Variants in ARHGAP15 observed in about 807,000 individuals in gnomAD.
ARHGAP15 encodes Rho GTPase activating protein 15.
A neutral mutation model predicts 63.7 loss-of-function variants in ARHGAP15; 51 were observed. The observed-to-expected ratio is 0.80, with a 90% CI of 0.64 to 1.01. The LOEUF is 1.01. Ranked by LOEUF, ARHGAP15 falls within the 50% of genes least tolerant of loss-of-function variation. The probability of loss-of-function intolerance (pLI) is 0.00; values close to 1 mark genes in which losing one functional copy is unlikely to be tolerated. For synonymous variants in ARHGAP15, 191 were observed against 193.8 expected, an observed-to-expected ratio of 0.99 and a Z score of 0.12; for missense variants, 560 against 564.6, an observed-to-expected ratio of 0.99 and a Z score of 0.08.
chr2:143,178,798 A>G (rs1042036848), intron 2 of ARHGAP15, among the ~76,000 whole-genome samples: 2 of 152,196 alleles, frequency 1.3e-5, no homozygotes, highest in Non-Finnish European at 2.9e-5. Flanking sequence ...GCTACTGAGC[A>G]TACATAGTAC....
intron 11 of ARHGAP15, among the ~76,000 whole-genome samples, chr2:143,602,178 T>C (rs1674783641): frequency 6.6e-6 from 1 of 152,186 alleles, no homozygotes; most frequent in South Asian, 2.1e-4. Context: ...CTAATGGTTG[T>C]CATGTACACG....
intron 6 of ARHGAP15, among the ~76,000 whole-genome samples, chr2:143,409,340 T>A (rs945241548): frequency 1.3e-5 from 2 of 151,998 alleles, no homozygotes; most frequent in African/African-American, 4.8e-5. Flanking sequence ...AATCTTTTTT[T>A]TTTAACCAAA....
intron 6 of ARHGAP15, among the ~76,000 whole-genome samples, chr2:143,434,172 T>G (rs1472426697): frequency 6.6e-6 from 1 of 152,146 alleles, no homozygotes; most frequent in South Asian, 2.1e-4. Flanking sequence ...CTCAGTAATC[T>G]GTCAAATTCT....
intron 8 of ARHGAP15, among the ~76,000 whole-genome samples, chr2:143,468,661 A>AGTGTGTGTGTGTGT (rs72252562): frequency 7.5e-6 from 1 of 133,744 alleles, no homozygotes. Context: ...AGAGAGAGAG[A>AGTGTGTGTGTGTGT]GAGTGTGTGT....
At chr2:143,673,773 T>TAC (rs1283790329) in intron 12 of ARHGAP15, among the ~76,000 whole-genome samples, 9 of 102,280 alleles carry the variant, frequency 8.8e-5, no homozygotes, top group African/African-American at 3.2e-4. Flanking sequence ...TATATATATA[T>TAC]ATATATATAT....
intron 11 of ARHGAP15, among the ~76,000 whole-genome samples, chr2:143,617,862 C>A (rs1698506181): frequency 6.6e-6 from 1 of 152,230 alleles, no homozygotes; most frequent in Admixed American, 6.5e-5. Context: ...CTTTGAGGAA[C>A]ATAAAGCAGC....
At chr2:143,193,528 A>C (rs1432008161) in intron 2 of ARHGAP15, 1 of 152,674 alleles carries the variant, frequency 6.5e-6, no homozygotes. Context: ...ATCTCAAAGA[A>C]TAAGTGAAGA....
intron 6 of ARHGAP15, among the ~76,000 whole-genome samples, chr2:143,269,647 G>A (rs16858955): frequency 0.042 from 6,406 of 152,066 alleles, 207 homozygotes; most frequent in South Asian, 0.11. Flanking sequence ...TGGAAAAAGT[G>A]TTTCAAATCA....
chr2:143,443,384 T>C (rs1200167151), intron 8 of ARHGAP15, among the ~76,000 whole-genome samples: 1 of 151,530 alleles, frequency 6.6e-6, no homozygotes, highest in Non-Finnish European at 1.5e-5. Flanking sequence ...GTTATTATAT[T>C]ATCAAGAGGA....
chr2:143,623,902 C>G (rs776425624), intron 11 of ARHGAP15, among the ~76,000 whole-genome samples: 2 of 152,154 alleles, frequency 1.3e-5, no homozygotes, highest in Non-Finnish European at 2.9e-5. Context: ...GGCACTGTCT[C>G]TTTGTGTCTC....
intron 5 of ARHGAP15, chr2:143,237,013 G>T (rs1378148063): frequency 2.0e-5 from 3 of 152,168 alleles, no homozygotes. Flanking sequence ...GAAAGTCAGT[G>T]TGGAACCGGT....
intron 6 of ARHGAP15, among the ~76,000 whole-genome samples, chr2:143,293,461 C>T (rs1465541400): frequency 6.6e-6 from 1 of 152,126 alleles, no homozygotes; most frequent in Non-Finnish European, 1.5e-5. Flanking sequence ...ATGGTCTGCA[C>T]ATCTCCATTT....
At chr2:143,350,977 T>A (rs140732212) in intron 6 of ARHGAP15, 1 of 151,576 alleles carries the variant, frequency 6.6e-6, no homozygotes, top group South Asian at 2.1e-4. Context: ...TCTATTATAG[T>A]ATGTAAGTAA....
intron 6 of ARHGAP15, among the ~76,000 whole-genome samples, chr2:143,332,194 A>T (rs1451299661): frequency 2.0e-5 from 3 of 152,180 alleles, no homozygotes; most frequent in Non-Finnish European, 4.4e-5. Context: ...GGAACTGGTT[A>T]TACAAATACA....
chr2:143,622,574 A>C (rs1454018478), intron 11 of ARHGAP15, among the ~76,000 whole-genome samples: 1 of 152,092 alleles, frequency 6.6e-6, no homozygotes, highest in Non-Finnish European at 1.5e-5. Context: ...TCAATCAAAA[A>C]TGATTGCAGG....
intron 6 of ARHGAP15, among the ~76,000 whole-genome samples, chr2:143,260,356 C>T (rs1412840360): frequency 6.6e-6 from 1 of 152,052 alleles, no homozygotes; most frequent in Non-Finnish European, 1.5e-5. Flanking sequence ...CGTAGAAAGT[C>T]TCCTTGGTAT....
chr2:143,370,906 G>C (rs1157950158), intron 6 of ARHGAP15, among the ~76,000 whole-genome samples: 1 of 152,134 alleles, frequency 6.6e-6, no homozygotes, highest in African/African-American at 2.4e-5. Context: ...GATTATGAAA[G>C]ACAAGATACC....
intron 6 of ARHGAP15, among the ~76,000 whole-genome samples, chr2:143,273,563 G>A (rs916412371): frequency 6.6e-6 from 1 of 152,068 alleles, no homozygotes; most frequent in African/African-American, 2.4e-5. Context: ...ATATGAACAG[G>A]CCACTTACTA....
At chr2:143,284,554 G>A (rs1464065963) in intron 6 of ARHGAP15, among the ~76,000 whole-genome samples, 4 of 152,156 alleles carry the variant, frequency 2.6e-5, no homozygotes, top group Non-Finnish European at 4.4e-5. Flanking sequence ...GCTCCTCTTG[G>A]TTATGATAAT....
Sources: allele counts gnomAD v4.1 joint callset (sites outside exome capture counted in the v4.1 genomes callset), GRCh38; gene constraint gnomAD v4.1.1; transcripts MANE v1.5; gene names NCBI Gene and HGNC (gene_info 2026-07-23, HGNC 2026-07-21).